LINGO2: variants seen among roughly 807,000 people sequenced by gnomAD.
LINGO2 encodes the protein leucine-rich repeat and immunoglobulin-like domain-containing nogo receptor-interacting protein 2.
A neutral mutation model predicts 30.6 loss-of-function variants in LINGO2; 14 were observed. The ratio of observed to expected loss-of-function variants is 0.46; its 90% confidence interval spans 0.30 to 0.72. The LOEUF (loss-of-function observed/expected upper bound fraction) is 0.72, where lower values mean the gene tolerates loss of function less well. Among genes scored for constraint, LINGO2 ranks in the 30% least tolerant of loss-of-function variants. The pLI is 0.07. For synonymous variants in LINGO2, 317 were observed against 288.5 expected (o/e 1.10, Z -1.00); for missense variants, 729 against 751.7 (o/e 0.97, Z 0.35).
At chr9:28,835,994 C>T in the LINGO2 span, among the ~76,000 whole-genome samples, 3 of 152,146 alleles carry the variant, frequency 2.0e-5, no homozygotes, top group Non-Finnish European at 2.9e-5. Flanking sequence ...GGATATATCA[C>T]ATACTCCAAA....
At chr9:29,199,574 A>G in the LINGO2 span, among the ~76,000 whole-genome samples, 2 of 152,110 alleles carry the variant, frequency 1.3e-5, no homozygotes, top group African/African-American at 4.8e-5. Context: ...ACTGGGAGAA[A>G]CACAGGAAAG....
At chr9:28,998,202 C>A in the LINGO2 span, among the ~76,000 whole-genome samples, 1 of 152,044 alleles carries the variant, frequency 6.6e-6, no homozygotes. Context: ...ATTATTAATG[C>A]CTGTTTTGTT....
chr9:28,415,985 T>G (rs1272978495), intron 2 of LINGO2, among the ~76,000 whole-genome samples: 5 of 152,186 alleles, frequency 3.3e-5, no homozygotes, highest in Non-Finnish European at 7.4e-5. Context: ...ACAATACACC[T>G]TATTAAACCA....
At chr9:29,208,459 C>A in the LINGO2 span, among the ~76,000 whole-genome samples, 2 of 151,950 alleles carry the variant, frequency 1.3e-5, no homozygotes, top group Non-Finnish European at 2.9e-5. Context: ...TTGAGAAAAT[C>A]ATCTCCCATA....
chr9:28,314,930 A>T (rs1020479770), intron 3 of LINGO2, among the ~76,000 whole-genome samples: 2 of 150,022 alleles, frequency 1.3e-5, no homozygotes, highest in African/African-American at 2.5e-5. Context: ...GCTTGCAGTG[A>T]GCCGAGATGG....
chr9:28,848,974 A>G, the LINGO2 span, among the ~76,000 whole-genome samples: 2 of 151,954 alleles, frequency 1.3e-5, no homozygotes, highest in African/African-American at 4.8e-5. Context: ...TGAAATCTGA[A>G]TAGTGATAAA....
At chr9:28,117,242 C>T (rs928391595) in intron 4 of LINGO2, among the ~76,000 whole-genome samples, 16 of 151,930 alleles carry the variant, frequency 1.1e-4, no homozygotes, top group Non-Finnish European at 7.4e-5. Flanking sequence ...GGGTCAGGGA[C>T]CCACTTGAGG....
the LINGO2 span, among the ~76,000 whole-genome samples, chr9:28,686,064 T>C: frequency 1.3e-4 from 20 of 151,914 alleles, no homozygotes; most frequent in Non-Finnish European, 5.9e-5. Flanking sequence ...ATTGGATAGT[T>C]TTAAAACAGC....
intron 1 of LINGO2, among the ~76,000 whole-genome samples, chr9:28,608,500 C>T (rs544051703): frequency 8.6e-5 from 13 of 151,922 alleles, no homozygotes; most frequent in African/African-American, 1.7e-4. Flanking sequence ...GCATTCATAC[C>T]GGTTATTATG....
intron 1 of LINGO2, among the ~76,000 whole-genome samples, chr9:28,528,262 T>C (rs1821104108): frequency 2.0e-5 from 3 of 152,186 alleles, no homozygotes; most frequent in African/African-American, 4.8e-5. Context: ...AATTGCCACA[T>C]GATAAGTTGC....
chr9:28,018,699 T>C (rs985510213), intron 4 of LINGO2, among the ~76,000 whole-genome samples: 1 of 151,834 alleles, frequency 6.6e-6, no homozygotes, highest in Non-Finnish European at 1.5e-5. Context: ...AAATCACAGA[T>C]GAAGGCAAGG....
exon 6 of LINGO2, chr9:27,948,995 A>G: frequency 6.2e-7 from 1 of 1,614,054 alleles, no homozygotes; most frequent in African/African-American, 1.3e-5. Context: ...GGAGAAGAAA[A>G]CAAAATAAAA....
At chr9:28,991,381 A>G in the LINGO2 span, among the ~76,000 whole-genome samples, 1 of 151,642 alleles carries the variant, frequency 6.6e-6, no homozygotes, top group East Asian at 1.9e-4. Flanking sequence ...GACCAAATCT[A>G]CGTCTGATTG....
At chr9:28,213,403 G>C (rs1199465293) in intron 4 of LINGO2, among the ~76,000 whole-genome samples, 1 of 151,326 alleles carries the variant, frequency 6.6e-6, no homozygotes, top group Non-Finnish European at 1.5e-5. Context: ...AAAATGAAAA[G>C]CCAGAGTGAT....
At chr9:28,105,056 T>C (rs752168738) in intron 4 of LINGO2, among the ~76,000 whole-genome samples, 3 of 152,210 alleles carry the variant, frequency 2.0e-5, no homozygotes, top group South Asian at 2.1e-4. Context: ...TTCAACCTGA[T>C]TGCAATTAGA....
At chr9:28,588,932 G>C (rs974145979) in intron 1 of LINGO2, among the ~76,000 whole-genome samples, 2 of 152,064 alleles carry the variant, frequency 1.3e-5, no homozygotes, top group Non-Finnish European at 2.9e-5. Flanking sequence ...TGTCATGCCA[G>C]TGCTTCAAAG....
At chr9:29,098,956 C>T in the LINGO2 span, among the ~76,000 whole-genome samples, 1 of 152,070 alleles carries the variant, frequency 6.6e-6, no homozygotes, top group African/African-American at 2.4e-5. Context: ...AAACTGGATG[C>T]ATCACATTAC....
At chr9:28,060,216 C>T (rs1825100272) in intron 4 of LINGO2, among the ~76,000 whole-genome samples, 1 of 152,042 alleles carries the variant, frequency 6.6e-6, no homozygotes, top group African/African-American at 2.4e-5. Flanking sequence ...ATAGCATCTC[C>T]TGGGAATTAG....
intron 4 of LINGO2, among the ~76,000 whole-genome samples, chr9:28,132,111 CAGTTTTAGTAACT>C (rs1199963274): frequency 6.6e-6 from 1 of 152,120 alleles, no homozygotes; most frequent in African/African-American, 2.4e-5. Context: ...ATATGCAGCC[CAGTTTTAGTAACT>C]AGTTTTAGTA....
Sources: allele counts gnomAD v4.1 joint callset (sites outside exome capture counted in the v4.1 genomes callset), GRCh38; gene constraint gnomAD v4.1.1; transcripts MANE v1.5; gene names NCBI Gene and HGNC (gene_info 2026-07-23, HGNC 2026-07-21).